The following LRMDA variants were observed in gnomAD, a reference collection of about 807,000 sequenced individuals.
The protein encoded by LRMDA is leucine-rich melanocyte differentiation-associated protein.
LRMDA carries 18 observed loss-of-function variants against 29.8 expected under a neutral mutation model. The observed-to-expected ratio is 0.60, with a 90% confidence interval of 0.42 to 0.90. The LOEUF is 0.90. Ranked by LOEUF, LRMDA falls within the 40% of genes least tolerant of loss-of-function variation. The pLI is 0.00. For synonymous variants in LRMDA, 125 were observed against 109.4 expected, an observed-to-expected ratio of 1.14 and a Z score of -0.89; for missense variants, 273 against 273.9, an observed-to-expected ratio of 1.00 and a Z score of 0.02.
intron 5 of LRMDA, among the ~76,000 whole-genome samples, chr10:76,200,539 T>A (rs1202733528): frequency 6.6e-6 from 1 of 152,102 alleles, no homozygotes; most frequent in Non-Finnish European, 1.5e-5. Flanking sequence ...GGGATGGTCA[T>A]ATGGGTTTGT....
chr10:76,423,749 A>G (rs1379946764), intron 6 of LRMDA, among the ~76,000 whole-genome samples: 4 of 152,220 alleles, frequency 2.6e-5, no homozygotes, highest in Admixed American at 2.0e-4. Flanking sequence ...ACTCAGCTAG[A>G]ATGAGTTTTC....
intron 5 of LRMDA, among the ~76,000 whole-genome samples, chr10:76,239,201 G>T (rs1327620167): frequency 6.6e-6 from 1 of 152,136 alleles, no homozygotes. Flanking sequence ...CCAGCTGCTT[G>T]CTTGGGTCTC....
At chr10:75,892,286 G>A (rs1012339586) in intron 2 of LRMDA, among the ~76,000 whole-genome samples, 5 of 152,158 alleles carry the variant, frequency 3.3e-5, no homozygotes, top group African/African-American at 7.2e-5. Flanking sequence ...CAACTCCAGT[G>A]CACACTAGGG....
intron 5 of LRMDA, among the ~76,000 whole-genome samples, chr10:76,144,692 C>T (rs1242570693): frequency 6.6e-6 from 1 of 152,016 alleles, no homozygotes; most frequent in Non-Finnish European, 1.5e-5. Context: ...ATTTCCTTCT[C>T]CTGCCTGATT....
At chr10:76,339,335 A>G (rs1841009591) in intron 6 of LRMDA, among the ~76,000 whole-genome samples, 1 of 151,848 alleles carries the variant, frequency 6.6e-6, no homozygotes, top group South Asian at 2.1e-4. Flanking sequence ...TTAGAAATAA[A>G]TGAAGTTTTG....
intron 5 of LRMDA, among the ~76,000 whole-genome samples, chr10:76,140,400 A>C (rs1850176958): frequency 6.6e-6 from 1 of 151,990 alleles, no homozygotes; most frequent in African/African-American, 2.4e-5. Flanking sequence ...CTGAATACCT[A>C]CCCAGTATAT....
At chr10:75,848,053 A>G (rs1245291618) in intron 2 of LRMDA, among the ~76,000 whole-genome samples, 1 of 152,290 alleles carries the variant, frequency 6.6e-6, no homozygotes, top group Middle Eastern at 3.4e-3. Context: ...TAGCACTCTC[A>G]CTTCTGTATA....
At chr10:75,694,743 G>T (rs1032906566) in intron 2 of LRMDA, among the ~76,000 whole-genome samples, 2 of 152,106 alleles carry the variant, frequency 1.3e-5, no homozygotes, top group African/African-American at 4.8e-5. Context: ...TGAAATATCG[G>T]CTGTATATGG....
At chr10:76,045,715 C>T (rs1315772559) in intron 3 of LRMDA, among the ~76,000 whole-genome samples, 1 of 151,926 alleles carries the variant, frequency 6.6e-6, no homozygotes, top group African/African-American at 2.4e-5. Context: ...TCTTTGTGAC[C>T]CCAAGCAGTT....
intron 2 of LRMDA, among the ~76,000 whole-genome samples, chr10:75,521,949 C>A (rs1046885300): frequency 6.6e-6 from 1 of 152,208 alleles, no homozygotes; most frequent in Non-Finnish European, 1.5e-5. Context: ...CCTGATACAT[C>A]CTTAGAATAA....
At chr10:75,926,973 T>C (rs1846130164) in intron 2 of LRMDA, among the ~76,000 whole-genome samples, 1 of 152,174 alleles carries the variant, frequency 6.6e-6, no homozygotes, top group Non-Finnish European at 1.5e-5. Flanking sequence ...CCCCTAGTGC[T>C]CCACGCTGCC....
At chr10:76,045,153 C>T (rs1848412851) in intron 3 of LRMDA, among the ~76,000 whole-genome samples, 1 of 149,542 alleles carries the variant, frequency 6.7e-6, no homozygotes, top group Non-Finnish European at 1.5e-5. Flanking sequence ...TGCTACTTTA[C>T]CCTGTCTTGC....
chr10:76,301,100 C>T, intron 5 of LRMDA, among the ~76,000 whole-genome samples: 1 of 151,926 alleles, frequency 6.6e-6, no homozygotes, highest in East Asian at 1.9e-4. Context: ...GAGAAATAGC[C>T]CTGCCCTCAG....
intron 6 of LRMDA, among the ~76,000 whole-genome samples, chr10:76,552,241 G>T (rs1843505056): frequency 6.6e-6 from 1 of 152,196 alleles, no homozygotes. Context: ...TGCTTTGATG[G>T]CTGGGCTTTA....
At chr10:75,433,504 G>C (rs1345450051) in intron 1 of LRMDA, among the ~76,000 whole-genome samples, 1 of 152,286 alleles carries the variant, frequency 6.6e-6, no homozygotes, top group East Asian at 1.9e-4. Context: ...AAACTGCCCA[G>C]GTTAGTGGAT....
At chr10:75,800,853 T>C (rs1843734297) in intron 2 of LRMDA, among the ~76,000 whole-genome samples, 1 of 152,194 alleles carries the variant, frequency 6.6e-6, no homozygotes, top group Non-Finnish European at 1.5e-5. Context: ...TTCTGTTATC[T>C]CCCCCTGAAA....
At chr10:75,563,795 C>G (rs960688155) in intron 2 of LRMDA, among the ~76,000 whole-genome samples, 8 of 152,176 alleles carry the variant, frequency 5.3e-5, no homozygotes, top group African/African-American at 1.9e-4. Context: ...TAGAGATCCA[C>G]TCCAGACCCT....
chr10:75,836,027 C>T (rs1228686253), intron 2 of LRMDA, among the ~76,000 whole-genome samples: 1 of 152,010 alleles, frequency 6.6e-6, no homozygotes, highest in Non-Finnish European at 1.5e-5. Context: ...GGCACTTGCA[C>T]TGAATAAGAA....
intron 6 of LRMDA, among the ~76,000 whole-genome samples, chr10:76,395,169 C>T (rs769257234): frequency 6.6e-6 from 1 of 152,162 alleles, no homozygotes; most frequent in Non-Finnish European, 1.5e-5. Context: ...CAAGTAAGTG[C>T]AATACCCTCT....
Sources: allele counts gnomAD v4.1 joint callset (sites outside exome capture counted in the v4.1 genomes callset), GRCh38; gene constraint gnomAD v4.1.1; transcripts MANE v1.5; gene names NCBI Gene and HGNC (gene_info 2026-07-23, HGNC 2026-07-21).